LRRC4C: variants seen among roughly 807,000 people sequenced by gnomAD.
LRRC4C encodes the protein leucine-rich repeat-containing protein 4C.
Under a neutral mutation model 33.6 loss-of-function variants are expected in LRRC4C, and 5 were observed. That is an observed-to-expected ratio of 0.15 (90% confidence interval 0.08 to 0.31). The LOEUF (loss-of-function observed/expected upper bound fraction) is 0.31, where lower values mean the gene tolerates loss of function less well. Ranked by LOEUF, LRRC4C falls within the 10% of genes least tolerant of loss-of-function variation. The pLI is 1.00. For missense variants in LRRC4C, 560 were observed against 796.7 expected (o/e 0.70, Z 3.58); for synonymous variants, 329 against 302.0 (o/e 1.09, Z -0.93).
rs571486519 is a variant in LRRC4C, at chr11:40,738,021, A to T, written c.-406-89743T>A. On this transcript the variant is annotated intron_variant, in intron 2 of 6. Transcript: ENST00000528697. ...CAGCATGGTACTGGTACCAAAACAGATATCTAGACCAATGGAACAGAACAG... is the reference window on the plus strand; with the variant it reads ...CAGCATGGTACTGGTACCAAAACAGTTATCTAGACCAATGGAACAGAACAG... Among the ~76,000 whole-genome samples the T allele has an allele frequency of 7.9e-5, 12 of 152,286 alleles. No individual in the cohort carries two copies. The East Asian group carries it at 1.7e-3, about 22-fold the overall frequency.
intron 1 of LRRC4C, among the ~76,000 whole-genome samples, chr11:41,107,058 A>ATTT (rs3979485): frequency 0.022 from 3,034 of 140,946 alleles, 80 homozygotes; most frequent in African/African-American, 0.062. Flanking sequence ...TTAGGTTTTG[A>ATTT]TTTTTTTTTT....
At chr11:40,146,592 C>T (rs1209151085) in intron 5 of LRRC4C, among the ~76,000 whole-genome samples, 1 of 152,164 alleles carries the variant, frequency 6.6e-6, no homozygotes, top group African/African-American at 2.4e-5. Context: ...TAAGGACACT[C>T]TCCAACCTGT....
chr11:40,354,127 T>A (rs2137108950), intron 3 of LRRC4C, among the ~76,000 whole-genome samples: 1 of 152,340 alleles, frequency 6.6e-6, no homozygotes, highest in African/African-American at 2.4e-5. Flanking sequence ...AGCTACCATA[T>A]TGGTCATCTT....
intron 2 of LRRC4C, among the ~76,000 whole-genome samples, chr11:40,723,574 C>T (rs1947136205): frequency 6.6e-6 from 1 of 152,020 alleles, no homozygotes; most frequent in African/African-American, 2.4e-5. Context: ...AAATTTGTTA[C>T]CACTAGACTG....
At chr11:40,175,874 A>G (rs569552069) in intron 5 of LRRC4C, among the ~76,000 whole-genome samples, 4 of 152,010 alleles carry the variant, frequency 2.6e-5, no homozygotes, top group Non-Finnish European at 5.9e-5. Flanking sequence ...AACTTCCTTA[A>G]CACTTCACCC....
At chr11:40,164,231 C>T (rs1859397315) in intron 5 of LRRC4C, among the ~76,000 whole-genome samples, 1 of 152,174 alleles carries the variant, frequency 6.6e-6, no homozygotes, top group African/African-American at 2.4e-5. Context: ...TGTTAAGAAG[C>T]TCATCAATGG....
chr11:40,720,878 T>C (rs1946978067), intron 2 of LRRC4C, among the ~76,000 whole-genome samples: 1 of 152,200 alleles, frequency 6.6e-6, no homozygotes. Context: ...TTTCAAATGA[T>C]ACAAGCAGGA....
At chr11:40,172,827 C>T (rs1459243435) in intron 5 of LRRC4C, among the ~76,000 whole-genome samples, 2 of 151,950 alleles carry the variant, frequency 1.3e-5, no homozygotes, top group East Asian at 3.9e-4. Context: ...GCCTTAAGTC[C>T]CAGGGCCTCC....
intron 1 of LRRC4C, among the ~76,000 whole-genome samples, chr11:41,457,095 C>T (rs756648133): frequency 3.9e-5 from 6 of 152,128 alleles, no homozygotes; most frequent in Non-Finnish European, 8.8e-5. Flanking sequence ...AAGTTGGTAT[C>T]TTTTGTTGTT....
chr11:40,521,736 G>T (rs1020975219), intron 3 of LRRC4C, among the ~76,000 whole-genome samples: 1 of 152,064 alleles, frequency 6.6e-6, no homozygotes, highest in Admixed American at 6.6e-5. Flanking sequence ...GGGCATTGTG[G>T]TGTGCGCCTG....
intron 5 of LRRC4C, among the ~76,000 whole-genome samples, chr11:40,200,661 C>T (rs1296673200): frequency 1.4e-5 from 2 of 146,628 alleles, no homozygotes; most frequent in Non-Finnish European, 3.0e-5. Context: ...TAGTTTATTA[C>T]CTTTGGTCAT....
At chr11:40,265,826 T>G (rs1314498194) in intron 4 of LRRC4C, among the ~76,000 whole-genome samples, 2 of 152,208 alleles carry the variant, frequency 1.3e-5, no homozygotes. Context: ...TCACGGTGAT[T>G]TGAGTTGCTG....
chr11:40,260,775 A>T (rs1867647548), intron 4 of LRRC4C, among the ~76,000 whole-genome samples: 1 of 152,194 alleles, frequency 6.6e-6, no homozygotes, highest in Non-Finnish European at 1.5e-5. Context: ...TCTTTTCGTG[A>T]TATACCATGA....
intron 1 of LRRC4C, among the ~76,000 whole-genome samples, chr11:41,452,362 G>A (rs368898411): frequency 6.6e-6 from 1 of 152,032 alleles, no homozygotes; most frequent in Admixed American, 6.6e-5. Flanking sequence ...CAATAGATAT[G>A]TAAAGGAACA....
chr11:40,852,777 A>G (rs2135756957), intron 2 of LRRC4C, among the ~76,000 whole-genome samples: 1 of 152,330 alleles, frequency 6.6e-6, no homozygotes, highest in African/African-American at 2.4e-5. Context: ...ATCAACTTTA[A>G]CCTGGCATCT....
At chr11:40,322,348 G>T (rs1040406271) in intron 3 of LRRC4C, among the ~76,000 whole-genome samples, 2 of 151,958 alleles carry the variant, frequency 1.3e-5, no homozygotes, top group Non-Finnish European at 2.9e-5. Flanking sequence ...TGGGTTCAAG[G>T]GATCCTCCTG....
At chr11:40,478,866 G>A (rs761432090) in intron 3 of LRRC4C, among the ~76,000 whole-genome samples, 1 of 152,240 alleles carries the variant, frequency 6.6e-6, no homozygotes, top group East Asian at 1.9e-4. Flanking sequence ...GCATTAGGAG[G>A]TTTTTGAAAT....
At chr11:41,087,946 A>G (rs1296872784) in intron 1 of LRRC4C, among the ~76,000 whole-genome samples, 1 of 152,162 alleles carries the variant, frequency 6.6e-6, no homozygotes, top group East Asian at 1.9e-4. Context: ...CAATGAACAA[A>G]TAAGTGAATG....
At chr11:40,996,376 T>C (rs1350675615) in intron 1 of LRRC4C, among the ~76,000 whole-genome samples, 1 of 152,008 alleles carries the variant, frequency 6.6e-6, no homozygotes, top group South Asian at 2.1e-4. Context: ...AAAATAAAAC[T>C]AATGAGAAAA....
Sources: allele counts gnomAD v4.1 joint callset (sites outside exome capture counted in the v4.1 genomes callset), GRCh38; gene constraint gnomAD v4.1.1; transcripts MANE v1.5; gene names NCBI Gene and HGNC (gene_info 2026-07-23, HGNC 2026-07-21).